TIGIT: variants seen among roughly 807,000 people sequenced by gnomAD.
The protein encoded by TIGIT is T cell immunoreceptor with Ig and ITIM domains, also known as T-cell immunoreceptor with Ig and ITIM domains.
A neutral mutation model predicts 19.6 loss-of-function variants in TIGIT; 11 were observed. The ratio of observed to expected loss-of-function variants is 0.56; its 90% CI spans 0.35 to 0.93. TIGIT has a LOEUF of 0.93. Ranked by LOEUF, TIGIT falls within the 40% of genes least tolerant of loss-of-function variation. The probability of loss-of-function intolerance (pLI) is 0.01; values close to 1 mark genes in which losing one functional copy is unlikely to be tolerated. For missense variants in TIGIT, 295 were observed against 303.9 expected, an observed-to-expected ratio of 0.97 and a Z score of 0.22; for synonymous variants, 130 against 125.5, an observed-to-expected ratio of 1.04 and a Z score of -0.24.
In TIGIT at chr3:114,297,549, C is replaced by T. The variant is rs528376508; in HGVS notation, c.391+1675C>T. 1.3e-4 allele frequency among the ~76,000 whole-genome samples: 20 copies of T among 152,250 alleles called. 1 individual carries two copies. Among genetic ancestry groups the T allele is most frequent in the East Asian group, 7.7e-4 (4 of 5,186 alleles). ...ATATGCCAGAGGACCCATCACCAGACGGCAGGACCGGGAACAGGGAGGGAG... is the reference window on the plus strand; with the variant it reads ...ATATGCCAGAGGACCCATCACCAGATGGCAGGACCGGGAACAGGGAGGGAG... On this transcript the variant is annotated intron_variant, in intron 2 of 3. Coordinates refer to ENST00000383671, the MANE Select transcript of TIGIT (RefSeq NM_173799.4).
chr3:114,295,649 C>T lies in TIGIT; in HGVS notation c.166C>T (p.Gln56Ter), dbSNP rs1386709957. 2 of 1,614,096 alleles carry T rather than the reference C, an allele frequency of 1.2e-6. No homozygotes were observed. Among genetic ancestry groups the T allele is most frequent in the East Asian group, 4.5e-5 (2 of 44,886 alleles). Residue 56 changes from glutamine to a stop codon, truncating the protein, a stop_gained, in exon 2 of 4, where the codon CAG becomes TAG. Transcript: ENST00000383671. LOFTEE classifies it high-confidence loss of function. ...CTCCTCCACCACGGCACAAGTGACC[C>T]AGGTCAACTGGGAGCAGCAGGACCA... ...HLSSTTAQVT[Q>*]VNWEQQDQLL...
intron 2 of TIGIT, 145 bp from the exon 3 acceptor site, chr3:114,299,452 G>A (rs1002534859): frequency 1.5e-5 from 9 of 618,358 alleles, no homozygotes; most frequent in African/African-American, 1.3e-4. Context: ...GCTGTTCAAA[G>A]TGTTGGGCTT....
chr3:114,302,899 T>C (rs1031811955), intron 3 of TIGIT, among the ~76,000 whole-genome samples: 1 of 152,224 alleles, frequency 6.6e-6, no homozygotes, highest in African/African-American at 2.4e-5. Flanking sequence ...ATTGGCAAAA[T>C]TTCTCTGTAA....
At chr3:114,296,916 C>T (rs995590274) in intron 2 of TIGIT, among the ~76,000 whole-genome samples, 33 of 121,508 alleles carry the variant, frequency 2.7e-4, no homozygotes, top group Non-Finnish European at 4.8e-4. Context: ...TTTTTTGAGA[C>T]GGAGTTTCGC....
At chr3:114,299,074 A>C (rs1389227477) in intron 2 of TIGIT, among the ~76,000 whole-genome samples, 1 of 152,248 alleles carries the variant, frequency 6.6e-6, no homozygotes, top group Non-Finnish European at 1.5e-5. Context: ...AAAACAGCAA[A>C]GGATAAGAGT....
At chr3:114,299,963 C>T (rs1201712330) in intron 3 of TIGIT, among the ~76,000 whole-genome samples, 2 of 152,198 alleles carry the variant, frequency 1.3e-5, no homozygotes, top group Non-Finnish European at 2.9e-5. Flanking sequence ...CTGGTTTCTG[C>T]TTATCCCTTA....
intron 3 of TIGIT, among the ~76,000 whole-genome samples, chr3:114,302,481 C>G (rs1479476297): frequency 6.6e-6 from 1 of 152,232 alleles, no homozygotes; most frequent in Non-Finnish European, 1.5e-5. Context: ...GGCTGCCCAG[C>G]TGTATCTCTC....
Position 114,294,107 on chromosome 3 carries a change from G to T in TIGIT, c.46G>T (p.Ala16Ser), listed in dbSNP as rs777596601. The T allele has an allele frequency of 3.2e-6, 5 of 1,554,792 alleles. No individual in the cohort carries two copies. Among genetic ancestry groups the T allele is most frequent in the Admixed American group, 2.0e-5 (1 of 51,274 alleles). ...LLIWAQGLRQ[A>S]PLASGMMTGT... Reference sequence around the variant, plus strand: ...GATCTGGGCCCAGGGGCTGAGGCAGGCTCCCCTCGCCTCAGGTAAGGCCTG... The same window carrying T: ...GATCTGGGCCCAGGGGCTGAGGCAGTCTCCCCTCGCCTCAGGTAAGGCCTG... The change falls in exon 1 of 4, where the codon GCT (alanine) becomes TCT (serine). Residue 16 changes from alanine to serine, a missense_variant. Ala to Ser is a moderately conservative substitution (Grantham distance 99). Coordinates refer to ENST00000383671, the MANE Select transcript of TIGIT (RefSeq NM_173799.4).
chr3:114,299,217 T>C (rs1172943513), intron 2 of TIGIT, among the ~76,000 whole-genome samples: 1 of 152,260 alleles, frequency 6.6e-6, no homozygotes, highest in East Asian at 1.9e-4. Context: ...GAATTAAATA[T>C]TTTTATTGAT....
At chr3:114,294,246 G>A in intron 1 of TIGIT, 124 bp downstream of exon 1, 1 of 705,668 alleles carries the variant, frequency 1.4e-6, no homozygotes, top group Non-Finnish European at 2.4e-6. Flanking sequence ...GAAAGAAATT[G>A]CAACTTTTAG....
At chr3:114,307,361 GAA>G in intron 3 of TIGIT, among the ~76,000 whole-genome samples, 1 of 152,184 alleles carries the variant, frequency 6.6e-6, no homozygotes, top group Non-Finnish European at 1.5e-5. Context: ...GTAGATGTAA[GAA>G]AGTAGATGCT....
Position 114,308,244 on chromosome 3 carries a change from T to C in TIGIT, c.*113T>C. The C allele has an allele frequency of 1.3e-6, 1 of 792,126 alleles. No homozygotes were observed. Among genetic ancestry groups the C allele is most frequent in the Non-Finnish European group, 2.1e-6 (1 of 473,364 alleles). 49.1% of individuals were successfully genotyped at this position (792,126 alleles called of 1,614,324 possible). A position where few individuals can be genotyped will look rare whatever the true frequency, so the allele number is the denominator to read the frequency against. ...GTGTGTGTGTGTGTGTGTATGTGTG[T>C]GTGTGTTCAGTTGAGTGAATAAATG... On this transcript the variant is annotated 3_prime_UTR_variant, in exon 4 of 4. Transcript: ENST00000383671.
In TIGIT at chr3:114,295,824, C is replaced by G; in HGVS notation, c.341C>G (p.Pro114Arg). The G allele has an allele frequency of 1.2e-6, 2 of 1,613,602 alleles. No homozygotes were observed. The highest frequency in any genetic ancestry group is 1.7e-6 in the Non-Finnish European group (2 of 1,179,586). ...GEYFCIYHTY[P>R]DGTYTGRIFL... ...TACTTCTGCATCTATCACACCTACC[C>G]TGATGGGACGTACACTGGGAGAATC... The change falls in exon 2 of 4, where the codon CCT becomes CGT. Residue 114 changes from proline (P) to arginine (R), a missense_variant. Pro to Arg is a moderately radical substitution (Grantham distance 103). Coordinates refer to ENST00000383671, the MANE Select transcript of TIGIT (RefSeq NM_173799.4).
At chr3:114,300,326 G>A (rs377316229) in intron 3 of TIGIT, among the ~76,000 whole-genome samples, 1 of 151,664 alleles carries the variant, frequency 6.6e-6, no homozygotes, top group Non-Finnish European at 1.5e-5. Flanking sequence ...GCTGCAGTGA[G>A]CTATGACTGC....
At position 114,299,793 on chromosome 3, in the gene TIGIT, C is replaced by T. The variant is rs1576138730; in HGVS notation, c.498+90C>T. On this transcript the variant is annotated intron_variant, in intron 3 of 3. Transcript: ENST00000383671. ...GGTTCTCTTTCCACCCAGAGAGAGA[C>T]CCAGATGTGATCTTCCCGAGTGCTC... 24 of 794,518 alleles carry T rather than the reference C, an allele frequency of 3.0e-5. No individual in the cohort carries two copies. The East Asian group carries it at 6.4e-4, about 21-fold the overall frequency. 49.2% of individuals were successfully genotyped at this position (794,518 alleles called of 1,614,324 possible).
In TIGIT at chr3:114,308,545, CA is replaced by C. The variant is rs141123924; in HGVS notation, c.*415del. ...TCATCTCATTTTTTCACGTCATTTT[CA>C]GTAACTTTCACTCATTCAAAGGCAG... On this transcript the variant is annotated 3_prime_UTR_variant, in exon 4 of 4. Transcript: ENST00000383671. The C allele has an allele frequency of 6.9e-3, 1,086 of 157,778 alleles. 6 individuals carry two copies. The highest frequency in any genetic ancestry group is 0.026 in the Middle Eastern group (8 of 310). The allele number at this position is 157,778 out of a possible 1,614,324, so 9.8% of individuals were successfully genotyped here.
Position 114,305,626 on chromosome 3 carries a change from C to CA in TIGIT, c.499-2269_499-2268insA, listed in dbSNP as rs1246305466. Among the ~76,000 whole-genome samples, 28 of 152,230 alleles carry CA rather than the reference C, an allele frequency of 1.8e-4. No individual in the cohort carries two copies. The East Asian group carries it at 4.1e-3, about 22-fold the overall frequency. On this transcript the variant is annotated intron_variant, in intron 3 of 3. Transcript: ENST00000383671. ...ACTTCTGGCTGCTCACCAGCGAGGG[C>CA]CCAAGAGCAATTCTCCAGAGAAGGG...
chr3:114,295,509 A>G (rs1161419176), intron 1 of TIGIT, 36 bp from the exon 2 acceptor site: 2 of 1,561,386 alleles, frequency 1.3e-6, no homozygotes, highest in Non-Finnish European at 1.7e-6. Flanking sequence ...CCAGCTGCTG[A>G]CCCAGGACTC....
At position 114,307,939 on chromosome 3, in the gene TIGIT, A is replaced by G. The variant is rs2078546332; in HGVS notation, c.543A>G (p.Arg181=). 6.2e-7 allele frequency: 1 copy of G among 1,614,126 alleles called. No homozygotes were observed. Among genetic ancestry groups the G allele is most frequent in the East Asian group, 2.2e-5 (1 of 44,848 alleles). Residue 181 remains arginine (R), a synonymous_variant, in exon 4 of 4, where the codon AGA becomes AGG. Transcript: ENST00000383671. Reference sequence around the variant, plus strand: ...ATTCTGTGGAAGGTGACCTCAGGAGAAAATCAGCTGGACAGGAGGAATGGA... The same window carrying G: ...ATTCTGTGGAAGGTGACCTCAGGAGGAAATCAGCTGGACAGGAGGAATGGA... ...RIHSVEGDLR[R]KSAGQEEWSP...
Sources: gnomAD v4.1 joint callset for allele counts (sites outside exome capture counted in the v4.1 genomes callset) on GRCh38, gnomAD v4.1.1 for gene constraint, MANE v1.5 for transcripts, NCBI Gene and HGNC (gene_info 2026-07-23, HGNC 2026-07-21) for gene names.